SMC1A: variants seen among roughly 807,000 people sequenced by gnomAD.
The protein encoded by SMC1A is structural maintenance of chromosomes protein 1A.
In SMC1A, 4 loss-of-function variants were observed where a neutral mutation model predicts 94.5. That is an observed-to-expected ratio of 0.04 (90% CI 0.02 to 0.10). The LOEUF (loss-of-function observed/expected upper bound fraction) is 0.10, where lower values mean the gene tolerates loss of function less well. Among genes scored for constraint, SMC1A ranks in the 10% least tolerant of loss-of-function variants. The pLI, the probability that SMC1A is intolerant of heterozygous loss-of-function variation, is 1.00. For synonymous variants in SMC1A, 345 were observed against 347.7 expected (o/e 0.99, Z 0.09); for missense variants, 304 against 989.0 (o/e 0.31, Z 9.29).
rs897328010 is a variant in SMC1A, at chrX:53,422,645, C to A, written c.-45G>T. On this transcript the variant is annotated 5_prime_UTR_variant, in exon 1 of 25. Transcript: ENST00000322213. ...GCAGTAGGACAGGCCGCGCCGTACG[C>A]CCGAGAACTGAGGTAGCCCGCGCGG... 2.2e-6 allele frequency: 2 copies of A among 891,343 alleles called. No homozygotes were observed. The highest frequency in any genetic ancestry group is 3.3e-6 in the Non-Finnish European group (2 of 606,965). The allele number at this position is 891,343 out of a possible 1,213,427, so 73.5% of individuals were successfully genotyped here. A position where few individuals can be genotyped will look rare whatever the true frequency, so the allele number is the denominator to read the frequency against.
rs2075714608 is a variant in SMC1A at position 53,411,921 on chromosome X, G to A, written c.1114-20C>T. ...CTTCACCTGTGTTAGGGACAGGGAAGGAGAACAGGGATGACCAAGTCAGCA... is the reference window on the plus strand; with the variant it reads ...CTTCACCTGTGTTAGGGACAGGGAAAGAGAACAGGGATGACCAAGTCAGCA... On this transcript the variant is annotated intron_variant, in intron 6 of 24. Coordinates refer to ENST00000322213, the MANE Select transcript of SMC1A (RefSeq NM_006306.4). 4 of 1,211,432 alleles carry A rather than the reference G, an allele frequency of 3.3e-6. No homozygotes were observed. The East Asian group carries it at 1.2e-4, about 36-fold the overall frequency.
intron 14 of SMC1A, 27 bp downstream of exon 14, chrX:53,403,750 C>G: frequency 1.7e-6 from 2 of 1,171,467 alleles, no homozygotes; most frequent in Non-Finnish European, 2.3e-6. Context: ...CTGACACACA[C>G]GCTGGCATGG....
chrX:53,389,574 C>T (rs1446218519), intron 19 of SMC1A, among the ~76,000 whole-genome samples: 1 of 110,180 alleles, frequency 9.1e-6, no homozygotes, highest in Non-Finnish European at 1.9e-5. Context: ...ACTAAAAATA[C>T]AAACAATTAG....
In SMC1A at chrX:53,412,010, C is replaced by G; in HGVS notation, c.1098G>C (p.Thr366=). ...CAGAGCTTACCTGATTCTCCTCCAACGTCAAATCTCTGCCCTGACTCTGAC... is the reference window on the plus strand; with the variant it reads ...CAGAGCTTACCTGATTCTCCTCCAAGGTCAAATCTCTGCCCTGACTCTGAC... ...EESQSQGRDL[T]LEENQVKKYH... The change falls in exon 6 of 25, where the codon ACG becomes ACC. Residue 366 remains threonine, a synonymous_variant. Transcript: ENST00000322213. 2 of 1,211,647 alleles carry G rather than the reference C, an allele frequency of 1.7e-6. No individual in the cohort carries two copies. Among genetic ancestry groups the G allele is most frequent in the Non-Finnish European group, 2.2e-6 (2 of 895,438 alleles).
At chrX:53,402,222 C>A (rs782361538) in intron 15 of SMC1A, among the ~76,000 whole-genome samples, 1 of 110,904 alleles carries the variant, frequency 9.0e-6, no homozygotes, top group Non-Finnish European at 1.9e-5. Context: ...AAACTGCTAA[C>A]TGAAGCCCAG....
chrX:53,401,980 T>A (rs1452286289), intron 15 of SMC1A, among the ~76,000 whole-genome samples: 1 of 110,312 alleles, frequency 9.1e-6, no homozygotes, highest in Non-Finnish European at 1.9e-5. Flanking sequence ...ATTGGGTTTC[T>A]TGTCATTGTT....
chrX:53,412,750 G>T, intron 5 of SMC1A, 150 bp downstream of exon 5: 1 of 899,334 alleles, frequency 1.1e-6, no homozygotes, highest in Non-Finnish European at 1.6e-6. Flanking sequence ...TAAACTGCAA[G>T]TCAAGAAATG....
In SMC1A at chrX:53,375,321, G is replaced by C. The variant is rs1284709998; in HGVS notation, c.*4782C>G. 9.0e-6 allele frequency: 1 copy of C among 111,657 alleles called. No individual in the cohort carries two copies. The highest frequency in any genetic ancestry group is 1.9e-5 in the Non-Finnish European group (1 of 53,073). 9.2% of individuals were successfully genotyped at this position (111,657 alleles called of 1,213,427 possible). A position where few individuals can be genotyped will look rare whatever the true frequency, so the allele number is the denominator to read the frequency against. On this transcript the variant is annotated 3_prime_UTR_variant, in exon 25 of 25. Coordinates refer to ENST00000322213, the MANE Select transcript of SMC1A (RefSeq NM_006306.4). ...AGATCAAGACTCCAGAGATGACATA[G>C]AAAGGAAACCTAGCTTCCATTTCTG... is the stretch of plus-strand genomic sequence containing the variant.
chrX:53,395,361 T>C (rs1279483030), intron 18 of SMC1A, among the ~76,000 whole-genome samples: 2 of 111,356 alleles, frequency 1.8e-5, no homozygotes, highest in African/African-American at 6.5e-5. Context: ...AAAATAAAAA[T>C]AAATAAAAAA....
chrX:53,396,866 ATCAC>A (rs2075653137), intron 16 of SMC1A, among the ~76,000 whole-genome samples: 1 of 112,224 alleles, frequency 8.9e-6, no homozygotes, highest in Non-Finnish European at 1.9e-5. Context: ...TAAGTGGGGA[ATCAC>A]TCACAATCTC....
rs41315082 is a variant in SMC1A, at chrX:53,376,326, G to C, written c.*3777C>G. On this transcript the variant is annotated 3_prime_UTR_variant, in exon 25 of 25. Transcript: ENST00000322213. Reference sequence around the variant, plus strand: ...CCTTCAAGCTATGGTTTCCAAATCTGGCTGTACCCTAGTCATGTGGTAACC... The same window carrying C: ...CCTTCAAGCTATGGTTTCCAAATCTCGCTGTACCCTAGTCATGTGGTAACC... 13 of 111,484 alleles carry C rather than the reference G, an allele frequency of 1.2e-4. No homozygotes were observed. Among genetic ancestry groups the C allele is most frequent in the Non-Finnish European group, 1.9e-4 (10 of 53,039 alleles). 9.2% of individuals were successfully genotyped at this position (111,484 alleles called of 1,213,427 possible). A position where few individuals can be genotyped will look rare whatever the true frequency, so the allele number is the denominator to read the frequency against.
At chrX:53,392,953 C>A (rs1242908337) in intron 19 of SMC1A, among the ~76,000 whole-genome samples, 1 of 112,154 alleles carries the variant, frequency 8.9e-6, no homozygotes, top group East Asian at 2.8e-4. Flanking sequence ...GTGTTTCAAT[C>A]ATCATATTCA....
intron 15 of SMC1A, 81 bp from the exon 16 acceptor site, chrX:53,399,811 G>A: frequency 3.9e-6 from 4 of 1,020,008 alleles, no homozygotes; most frequent in Non-Finnish European, 5.4e-6. Context: ...ACTATGGGAA[G>A]AAAGGGAAAC....
At chrX:53,396,405 G>A in intron 17 of SMC1A, 25 bp from the exon 18 acceptor site, 1 of 1,211,243 alleles carries the variant, frequency 8.3e-7, no homozygotes, top group Non-Finnish European at 1.1e-6. Context: ...GGGGCTAGGT[G>A]AGACCCAAAT....
chrX:53,403,786 C>T lies in SMC1A; in HGVS notation c.2304G>A (p.Lys768=). Residue 768 remains lysine, a synonymous_variant, in exon 14 of 25, where the codon AAG becomes AAA. Transcript: ENST00000322213. ...CCCACACCCTACCAACCTGGTTCAT[C>T]TTCTCCTTCAAGTCTTTCATTTCCC... The part of the protein sequence containing the change: ...REREMKDLKE[K]MNQVEDEVFE... 3 of 1,204,662 alleles carry T rather than the reference C, an allele frequency of 2.5e-6. No individual in the cohort carries two copies. The highest frequency in any genetic ancestry group is 3.4e-6 in the Non-Finnish European group (3 of 889,375).
intron 1 of SMC1A, among the ~76,000 whole-genome samples, chrX:53,417,763 C>G (rs1425862352): frequency 1.8e-5 from 2 of 111,224 alleles, no homozygotes; most frequent in African/African-American, 6.5e-5. Flanking sequence ...AGTGGTAGTA[C>G]AGGAGAATGA....
chrX:53,412,190 G>A lies in SMC1A; in HGVS notation c.918C>T (p.Ser306=). Residue 306 remains serine (S), a synonymous_variant, in exon 6 of 25, where the codon TCC becomes TCT. Transcript: ENST00000322213. ...CTGCTTCCAGCTTCTTGATTTTGTGGGAGGTGTTCTCCTTGGCTTTGATGT... is the reference window on the plus strand; with the variant it reads ...CTGCTTCCAGCTTCTTGATTTTGTGAGAGGTGTTCTCCTTGGCTTTGATGT... ...PQYIKAKENT[S]HKIKKLEAAK... The A allele has an allele frequency of 3.3e-6, 4 of 1,211,246 alleles. No individual in the cohort carries two copies. Among genetic ancestry groups the A allele is most frequent in the Non-Finnish European group, 4.5e-6 (4 of 895,110 alleles).
chrX:53,400,347 G>C (rs1486771781), intron 15 of SMC1A, among the ~76,000 whole-genome samples: 1 of 111,657 alleles, frequency 9.0e-6, no homozygotes, highest in Non-Finnish European at 1.9e-5. Flanking sequence ...CCACTTACTA[G>C]TAATGTCATT....
At position 53,380,195 on chromosome X, in the gene SMC1A, G is replaced by A. The variant is rs2075576636; in HGVS notation, c.3619-9C>T. 8.5e-7 allele frequency: 1 copy of A among 1,171,733 alleles called. No homozygotes were observed. The highest frequency in any genetic ancestry group is 3.0e-5 in the East Asian group (1 of 33,678). ...ATCACACAGTCCCCTTGCTGAAGGA[G>A]GAGGGAGAAAAAGAAAAATAAAATT... On this transcript the variant is annotated splice_polypyrimidine_tract_variant and intron_variant, in intron 24 of 24. Coordinates refer to ENST00000322213, the MANE Select transcript of SMC1A (RefSeq NM_006306.4).
Sources: gnomAD v4.1 joint callset for allele counts (sites outside exome capture counted in the v4.1 genomes callset) on GRCh38, gnomAD v4.1.1 for gene constraint, MANE v1.5 for transcripts, NCBI Gene and HGNC (gene_info 2026-07-23, HGNC 2026-07-21) for gene names.